Variants in GNAQ observed in about 807,000 individuals in gnomAD.
GNAQ encodes the protein G protein subunit alpha q.
GNAQ carries 8 observed loss-of-function variants against 43.9 expected under a neutral mutation model. That is an observed-to-expected ratio of 0.18 (90% CI 0.11 to 0.33). GNAQ has a LOEUF of 0.33. GNAQ is among the 10% of genes least tolerant of loss of function. The pLI is 1.00. For synonymous variants in GNAQ, 155 were observed against 170.7 expected (o/e 0.91, Z 0.71); for missense variants, 158 against 450.8 (o/e 0.35, Z 5.88).
At chr9:78,024,429 T>C (rs1167695380) in intron 1 of GNAQ, among the ~76,000 whole-genome samples, 1 of 152,186 alleles carries the variant, frequency 6.6e-6, no homozygotes, top group African/African-American at 2.4e-5. Context: ...ACATCCCTAG[T>C]TACTGATAAT....
At chr9:77,782,520 A>G (rs1405013430) in intron 5 of GNAQ, among the ~76,000 whole-genome samples, 1 of 152,214 alleles carries the variant, frequency 6.6e-6, no homozygotes, top group Non-Finnish European at 1.5e-5. Context: ...CATGTAGAGC[A>G]GTAGAACTCT....
intron 5 of GNAQ, among the ~76,000 whole-genome samples, chr9:77,738,463 C>T (rs185121799): frequency 3.2e-4 from 49 of 152,208 alleles, no homozygotes; most frequent in African/African-American, 1.2e-3. Flanking sequence ...CATGATAGAA[C>T]ACTTTAAAAA....
chr9:78,010,045 T>C (rs1183115800), intron 1 of GNAQ, among the ~76,000 whole-genome samples: 1 of 152,156 alleles, frequency 6.6e-6, no homozygotes, highest in Non-Finnish European at 1.5e-5. Context: ...AAGACAAAGA[T>C]TTCTAGAGTC....
intron 2 of GNAQ, among the ~76,000 whole-genome samples, chr9:77,866,004 A>G (rs2118003649): frequency 6.6e-6 from 1 of 152,340 alleles, no homozygotes; most frequent in Non-Finnish European, 1.5e-5. Flanking sequence ...AAGAAGAGGA[A>G]CAGATATTAA....
At chr9:78,011,935 T>C (rs1410383423) in intron 1 of GNAQ, among the ~76,000 whole-genome samples, 3 of 152,196 alleles carry the variant, frequency 2.0e-5, no homozygotes, top group Admixed American at 6.5e-5. Context: ...GAAAGAATAT[T>C]ATAGAGATGG....
At chr9:77,873,750 A>G (rs1323421183) in intron 2 of GNAQ, among the ~76,000 whole-genome samples, 1 of 152,258 alleles carries the variant, frequency 6.6e-6, no homozygotes, top group African/African-American at 2.4e-5. Context: ...TAAATTAAGC[A>G]CACAAATGAA....
intron 3 of GNAQ, among the ~76,000 whole-genome samples, chr9:77,809,184 C>A (rs1402442015): frequency 2.0e-5 from 3 of 152,184 alleles, no homozygotes. Context: ...AGCCAATCTA[C>A]TCATGTTCTT....
chr9:77,778,718 TA>T (rs1367843626), intron 5 of GNAQ, among the ~76,000 whole-genome samples: 2 of 151,640 alleles, frequency 1.3e-5, no homozygotes, highest in African/African-American at 4.8e-5. Context: ...ATAAATAGAA[TA>T]AAAAACAAAT....
intron 2 of GNAQ, among the ~76,000 whole-genome samples, chr9:77,889,991 A>G (rs1449725856): frequency 6.6e-6 from 1 of 152,220 alleles, no homozygotes; most frequent in East Asian, 1.9e-4. Flanking sequence ...AACAAGTAAA[A>G]CTACAAGTTA....
At chr9:77,724,778 G>A (rs1825371681) in intron 6 of GNAQ, among the ~76,000 whole-genome samples, 1 of 152,010 alleles carries the variant, frequency 6.6e-6, no homozygotes, top group Non-Finnish European at 1.5e-5. Flanking sequence ...TGATGTAGGT[G>A]CCCAGAATTC....
At chr9:77,879,777 CTT>C (rs1481815369) in intron 2 of GNAQ, among the ~76,000 whole-genome samples, 1 of 152,218 alleles carries the variant, frequency 6.6e-6, no homozygotes, top group Non-Finnish European at 1.5e-5. Context: ...AACCGAAAGA[CTT>C]AGACTGTGAC....
chr9:77,898,209 C>G (rs1828534264), intron 2 of GNAQ, among the ~76,000 whole-genome samples: 1 of 152,220 alleles, frequency 6.6e-6, no homozygotes, highest in Non-Finnish European at 1.5e-5. Context: ...ATTACTGTTA[C>G]TTAATGCTAA....
chr9:77,807,504 T>G (rs1193968038), intron 3 of GNAQ, among the ~76,000 whole-genome samples: 1 of 152,216 alleles, frequency 6.6e-6, no homozygotes, highest in Non-Finnish European at 1.5e-5. Context: ...TGGTCATTCA[T>G]GCCATTTTTA....
At chr9:77,804,804 G>A (rs1826801167) in intron 3 of GNAQ, among the ~76,000 whole-genome samples, 2 of 152,042 alleles carry the variant, frequency 1.3e-5, no homozygotes, top group South Asian at 4.1e-4. Flanking sequence ...ATGAAGTTAT[G>A]GCACAGAAAA....
chr9:77,856,323 T>C (rs1273610206), intron 2 of GNAQ, among the ~76,000 whole-genome samples: 2 of 152,144 alleles, frequency 1.3e-5, no homozygotes, highest in Non-Finnish European at 2.9e-5. Flanking sequence ...AGATGAACAT[T>C]TTATATGCAA....
intron 2 of GNAQ, among the ~76,000 whole-genome samples, chr9:77,860,645 A>G (rs1262624576): frequency 1.3e-5 from 2 of 152,234 alleles, no homozygotes; most frequent in Admixed American, 1.3e-4. Context: ...GGCGAAGCTC[A>G]GGCAGTAATA....
intron 5 of GNAQ, among the ~76,000 whole-genome samples, chr9:77,761,948 C>T (rs1185912765): frequency 8.7e-5 from 2 of 22,962 alleles, no homozygotes; most frequent in Admixed American, 8.3e-4. Context: ...GAGGGAGGTG[C>T]GGGGGTCAGC....
At chr9:77,765,138 A>AG (rs1826114415) in intron 5 of GNAQ, among the ~76,000 whole-genome samples, 2 of 152,146 alleles carry the variant, frequency 1.3e-5, no homozygotes, top group Non-Finnish European at 2.9e-5. Flanking sequence ...TTCAGTTTAC[A>AG]GAAGTGCTGT....
At chr9:77,986,399 C>T (rs1386970723) in intron 1 of GNAQ, among the ~76,000 whole-genome samples, 2 of 152,198 alleles carry the variant, frequency 1.3e-5, no homozygotes, top group African/African-American at 4.8e-5. Flanking sequence ...ATAAAAGCAG[C>T]AACCCTCAAA....
Sources: gnomAD v4.1 joint callset for allele counts (sites outside exome capture counted in the v4.1 genomes callset) on GRCh38, gnomAD v4.1.1 for gene constraint, MANE v1.5 for transcripts, NCBI Gene and HGNC (gene_info 2026-07-23, HGNC 2026-07-21) for gene names.